Variants in SPAG16 observed in about 807,000 individuals in gnomAD.
SPAG16 encodes the protein sperm associated antigen 16.
In SPAG16, 86 loss-of-function variants were observed where a neutral mutation model predicts 80.4. The observed-to-expected ratio is 1.07, with a 90% CI of 0.90 to 1.28. The LOEUF is 1.28. Ranked by LOEUF, SPAG16 falls within the 50% of genes most tolerant of loss-of-function variation. The pLI is 0.00. For synonymous variants in SPAG16, 294 were observed against 265.9 expected (o/e 1.11, Z -1.03); for missense variants, 870 against 765.3 (o/e 1.14, Z -1.61).
intron 5 of SPAG16, among the ~76,000 whole-genome samples, chr2:213,325,501 TTTTATTGAAAATCAGTTGACCC>T (rs1403692422): frequency 1.1e-4 from 16 of 152,106 alleles, no homozygotes; most frequent in Admixed American, 8.5e-4. Flanking sequence ...TCTTTGGCAC[TTTTATTGAAAATCAGTTGACCC>T]TTTAGAATAA....
chr2:214,140,734 A>T (rs906002041), intron 14 of SPAG16, among the ~76,000 whole-genome samples: 1 of 151,830 alleles, frequency 6.6e-6, no homozygotes, highest in Non-Finnish European at 1.5e-5. Context: ...TCTGACACTG[A>T]TACTATTCTA....
intron 15 of SPAG16, among the ~76,000 whole-genome samples, chr2:214,341,552 A>G (rs1697697348): frequency 6.6e-6 from 1 of 152,216 alleles, no homozygotes; most frequent in African/African-American, 2.4e-5. Context: ...AATGACTTGC[A>G]AAGGAATGTG....
chr2:214,327,984 A>G (rs893788633), intron 15 of SPAG16, among the ~76,000 whole-genome samples: 2 of 152,144 alleles, frequency 1.3e-5, no homozygotes, highest in African/African-American at 2.4e-5. Flanking sequence ...CTGACAGTCA[A>G]TTAATTCTGT....
intron 10 of SPAG16, among the ~76,000 whole-genome samples, chr2:213,739,542 T>G (rs1313462978): frequency 6.6e-6 from 1 of 152,226 alleles, no homozygotes; most frequent in Non-Finnish European, 1.5e-5. Flanking sequence ...AGCATATCAT[T>G]TATGGAAAAA....
chr2:213,638,076 G>A (rs1284828404), intron 10 of SPAG16, among the ~76,000 whole-genome samples: 2 of 152,068 alleles, frequency 1.3e-5, no homozygotes, highest in East Asian at 3.9e-4. Flanking sequence ...TATTTCTATT[G>A]TATTGGTTAT....
At chr2:213,978,137 T>A (rs1043828489) in intron 12 of SPAG16, among the ~76,000 whole-genome samples, 1 of 152,030 alleles carries the variant, frequency 6.6e-6, no homozygotes, top group Non-Finnish European at 1.5e-5. Context: ...ACTAATTCTA[T>A]CCTTGTTTCC....
chr2:213,488,261 T>C (rs1295834274), intron 9 of SPAG16, among the ~76,000 whole-genome samples: 1 of 152,170 alleles, frequency 6.6e-6, no homozygotes, highest in East Asian at 1.9e-4. Flanking sequence ...TGCACGTGTG[T>C]GTATACGCCA....
At chr2:214,264,512 G>A (rs896142725) in intron 15 of SPAG16, among the ~76,000 whole-genome samples, 5 of 152,002 alleles carry the variant, frequency 3.3e-5, no homozygotes, top group African/African-American at 1.2e-4. Context: ...AGAAGGTATA[G>A]GAAGTTTTCA....
At chr2:214,087,811 C>A (rs1251275791) in intron 13 of SPAG16, among the ~76,000 whole-genome samples, 1 of 151,918 alleles carries the variant, frequency 6.6e-6, no homozygotes, top group African/African-American at 2.4e-5. Context: ...AATATCTAGA[C>A]AAATCTTGCC....
intron 14 of SPAG16, among the ~76,000 whole-genome samples, chr2:214,112,032 G>T (rs966489150): frequency 1.3e-5 from 2 of 152,100 alleles, no homozygotes; most frequent in African/African-American, 4.8e-5. Context: ...GGGCTGAGGC[G>T]ATGGGGTTTT....
intron 11 of SPAG16, among the ~76,000 whole-genome samples, chr2:213,907,727 A>C (rs1342411441): frequency 1.3e-5 from 2 of 152,220 alleles, no homozygotes; most frequent in Non-Finnish European, 2.9e-5. Context: ...AGCAACATGT[A>C]TGAGCCTGGA....
intron 9 of SPAG16, among the ~76,000 whole-genome samples, chr2:213,448,063 T>C (rs1405489807): frequency 1.3e-5 from 2 of 152,234 alleles, no homozygotes; most frequent in African/African-American, 4.8e-5. Flanking sequence ...ATTTTGTTAA[T>C]GATTGCCAGG....
At chr2:214,174,278 G>C (rs990767949) in intron 15 of SPAG16, among the ~76,000 whole-genome samples, 2 of 151,920 alleles carry the variant, frequency 1.3e-5, no homozygotes, top group African/African-American at 4.8e-5. Context: ...TAGGAAAAGA[G>C]GAAGTCAAAT....
At chr2:214,161,391 A>G (rs1429157883) in intron 15 of SPAG16, among the ~76,000 whole-genome samples, 1 of 152,132 alleles carries the variant, frequency 6.6e-6, no homozygotes, top group African/African-American at 2.4e-5. Context: ...ATCTTCCACA[A>G]TGGTTGAACT....
chr2:213,566,865 A>G (rs1321460453), intron 10 of SPAG16, among the ~76,000 whole-genome samples: 1 of 152,178 alleles, frequency 6.6e-6, no homozygotes, highest in Non-Finnish European at 1.5e-5. Context: ...ACACTGTTAT[A>G]TTTTAATAGA....
At chr2:213,929,096 C>G (rs2078635807) in intron 11 of SPAG16, among the ~76,000 whole-genome samples, 1 of 141,336 alleles carries the variant, frequency 7.1e-6, no homozygotes, top group African/African-American at 2.6e-5. Context: ...TCACTGAAAC[C>G]TCTGTCCCCG....
In SPAG16 at chr2:214,204,467, A is replaced by G. The variant is rs369249333; in HGVS notation, c.1720+55201A>G. On this transcript the variant is annotated intron_variant, in intron 15 of 15. Coordinates refer to ENST00000331683, the MANE Select transcript of SPAG16 (RefSeq NM_024532.5). ...TCTACTAGAGCAGGTGCTGGTATCC[A>G]TGGCTGGGAGACCTGAAGACAGTTC... Among the ~76,000 whole-genome samples, 13 of 152,332 alleles carry G rather than the reference A, an allele frequency of 8.5e-5. 1 individual carries two copies. Among genetic ancestry groups the G allele is most frequent in the African/African-American group, 3.1e-4 (13 of 41,584 alleles).
chr2:213,375,901 G>T (rs950116292), intron 9 of SPAG16, among the ~76,000 whole-genome samples: 1 of 150,702 alleles, frequency 6.6e-6, no homozygotes, highest in Non-Finnish European at 1.5e-5. Context: ...TCTAAAACAT[G>T]CATTGGATTC....
intron 10 of SPAG16, among the ~76,000 whole-genome samples, chr2:213,727,547 AAGG>A (rs1335865965): frequency 7.2e-5 from 11 of 152,198 alleles, no homozygotes; most frequent in Non-Finnish European, 1.6e-4. Context: ...TACACCAAGC[AAGG>A]AGAACTGGTA....
Sources: gnomAD v4.1 joint callset for allele counts (sites outside exome capture counted in the v4.1 genomes callset) on GRCh38, gnomAD v4.1.1 for gene constraint, MANE v1.5 for transcripts, NCBI Gene and HGNC (gene_info 2026-07-23, HGNC 2026-07-21) for gene names.